Variants in AKR1C8 observed in about 807,000 individuals in gnomAD.
AKR1C8 encodes the protein aldo-keto reductase family 1 member C8, also known as aldo-keto reductase family 1 member C-like protein 1.
At chr10:5,161,251 G>A in the AKR1C8 span, among the ~76,000 whole-genome samples, 2 of 152,160 alleles carry the variant, frequency 1.3e-5, no homozygotes, top group South Asian at 2.1e-4. Context: ...GGACAAGCTG[G>A]TGTGGAGGAC....
the AKR1C8 span, among the ~76,000 whole-genome samples, chr10:5,120,759 A>G: frequency 1.3e-5 from 2 of 152,018 alleles, no homozygotes; most frequent in African/African-American, 4.8e-5. Context: ...GACTGTTCAC[A>G]TATTTTTGGG....
At chr10:5,124,842 G>A in the AKR1C8 span, among the ~76,000 whole-genome samples, 1 of 152,054 alleles carries the variant, frequency 6.6e-6, no homozygotes, top group Non-Finnish European at 1.5e-5. Context: ...CTAATTGTGG[G>A]GCAATCTGTC....
chr10:5,136,534 A>G, the AKR1C8 span, among the ~76,000 whole-genome samples: 1 of 152,184 alleles, frequency 6.6e-6, no homozygotes, highest in African/African-American at 2.4e-5. Flanking sequence ...ATGATCCATG[A>G]TTAACATCCC....
At chr10:5,176,181 C>T in the AKR1C8 span, among the ~76,000 whole-genome samples, 1 of 149,640 alleles carries the variant, frequency 6.7e-6, no homozygotes, top group Non-Finnish European at 1.5e-5. Flanking sequence ...GATCCAGTTT[C>T]AGCTTTCTAC....
chr10:5,152,863 G>A, the AKR1C8 span, among the ~76,000 whole-genome samples: 43 of 152,086 alleles, frequency 2.8e-4, no homozygotes, highest in African/African-American at 7.7e-4. Context: ...ATTTTAATGC[G>A]GGGAGATATT....
chr10:5,119,688 C>T, the AKR1C8 span, among the ~76,000 whole-genome samples: 11 of 152,156 alleles, frequency 7.2e-5, no homozygotes, highest in Non-Finnish European at 1.2e-4. Flanking sequence ...CTAATCCCCT[C>T]ACCAAATACA....
At chr10:5,119,413 T>C in the AKR1C8 span, among the ~76,000 whole-genome samples, 10 of 152,278 alleles carry the variant, frequency 6.6e-5, no homozygotes, top group South Asian at 2.1e-3. Flanking sequence ...TAGAAGATGA[T>C]TTCATGATTG....
the AKR1C8 span, among the ~76,000 whole-genome samples, chr10:5,167,880 T>C: frequency 6.6e-6 from 1 of 152,168 alleles, no homozygotes; most frequent in Admixed American, 6.5e-5. Context: ...GTTACATTTA[T>C]GTGTGTGTTT....
the AKR1C8 span, among the ~76,000 whole-genome samples, chr10:5,142,248 G>T: frequency 2.0e-5 from 3 of 152,072 alleles, no homozygotes; most frequent in Non-Finnish European, 4.4e-5. Flanking sequence ...TCTGGATTAG[G>T]CTTTGGCCTA....
chr10:5,171,078 A>T, the AKR1C8 span, among the ~76,000 whole-genome samples: 8 of 151,868 alleles, frequency 5.3e-5, no homozygotes, highest in East Asian at 3.9e-4. Flanking sequence ...TAATTTATGC[A>T]GCTAATTCCT....
chr10:5,148,051 T>C, the AKR1C8 span, among the ~76,000 whole-genome samples: 1 of 152,180 alleles, frequency 6.6e-6, no homozygotes, highest in South Asian at 2.1e-4. Context: ...TGTATTTTTC[T>C]ACTCAGCATT....
the AKR1C8 span, chr10:5,123,882 G>A: frequency 6.7e-7 from 1 of 1,491,364 alleles, no homozygotes; most frequent in Non-Finnish European, 9.1e-7. Flanking sequence ...AATATAAAAA[G>A]ATTACAGATT....
At chr10:5,143,930 C>A in the AKR1C8 span, among the ~76,000 whole-genome samples, 19 of 151,898 alleles carry the variant, frequency 1.3e-4, no homozygotes, top group South Asian at 3.3e-3. Flanking sequence ...TCCAATAATA[C>A]AGAAAGTGCT....
At chr10:5,139,867 G>A in the AKR1C8 span, among the ~76,000 whole-genome samples, 3 of 152,076 alleles carry the variant, frequency 2.0e-5, no homozygotes, top group South Asian at 2.1e-4. Context: ...GCAACCTACA[G>A]AATGGGAGAA....
the AKR1C8 span, chr10:5,157,608 T>C: frequency 2.1e-6 from 1 of 465,254 alleles, no homozygotes; most frequent in South Asian, 1.6e-5. Flanking sequence ...CATGGCTCAC[T>C]CTGGAGCGAC....
chr10:5,140,311 G>A, the AKR1C8 span, among the ~76,000 whole-genome samples: 3 of 152,156 alleles, frequency 2.0e-5, no homozygotes, highest in African/African-American at 4.8e-5. Flanking sequence ...ATACCCAAAG[G>A]ATTATAAATC....
chr10:5,132,838 G>A, the AKR1C8 span: 7 of 642,526 alleles, frequency 1.1e-5, no homozygotes, highest in African/African-American at 1.1e-4. Context: ...CACAAACAAT[G>A]ACCCTCACAA....
At chr10:5,163,460 G>T in the AKR1C8 span, among the ~76,000 whole-genome samples, 2 of 152,108 alleles carry the variant, frequency 1.3e-5, no homozygotes, top group Non-Finnish European at 2.9e-5. Flanking sequence ...CAACCCCAAA[G>T]CTCACCCTAC....
chr10:5,164,072 A>C, the AKR1C8 span, among the ~76,000 whole-genome samples: 3 of 152,074 alleles, frequency 2.0e-5, no homozygotes, highest in African/African-American at 7.2e-5. Context: ...CTGAGCCTCT[A>C]AGAATCATCA....
Sources: gnomAD v4.1 joint callset for allele counts (sites outside exome capture counted in the v4.1 genomes callset) on GRCh38, gnomAD v4.1.1 for gene constraint, MANE v1.5 for transcripts, NCBI Gene and HGNC (gene_info 2026-07-23, HGNC 2026-07-21) for gene names.